MCPH1: variants seen among roughly 807,000 people sequenced by gnomAD.
The protein encoded by MCPH1 is microcephalin 1, also known as microcephalin.
Under a neutral mutation model 84.5 loss-of-function variants are expected in MCPH1, and 104 were observed. The ratio of observed to expected loss-of-function variants is 1.23; its 90% CI spans 1.05 to 1.45. The LOEUF is 1.45. Ranked by LOEUF, MCPH1 falls within the 40% of genes most tolerant of loss-of-function variation. The pLI is 0.00. For synonymous variants in MCPH1, 514 were observed against 366.8 expected, an observed-to-expected ratio of 1.40 and a Z score of -4.58; for missense variants, 1,498 against 1,005.7, an observed-to-expected ratio of 1.49 and a Z score of -6.62.
chr8:6,543,936 C>T (rs573407198), intron 12 of MCPH1, among the ~76,000 whole-genome samples: 14 of 152,152 alleles, frequency 9.2e-5, no homozygotes, highest in South Asian at 2.1e-4. Context: ...GATTATTTAA[C>T]GGGGCTATGT....
chr8:6,461,763 T>C (rs2916743), intron 9 of MCPH1, among the ~76,000 whole-genome samples: 40,093 of 152,136 alleles, frequency 0.26, 7,772 homozygotes, highest in African/African-American at 0.55. Context: ...ATAGAAAATA[T>C]TATGACGAAT....
At position 6,505,455 on chromosome 8, in the gene MCPH1, AATAT is replaced by A. The variant is rs1244837805; in HGVS notation, c.2214+5533_2214+5536del. Among the ~76,000 whole-genome samples, 15 of 71,962 alleles carry A rather than the reference AATAT, an allele frequency of 2.1e-4. 3 individuals carry two copies. The highest frequency in any genetic ancestry group is 6.8e-4 in the African/African-American group (14 of 20,650). The allele number at this position is 71,962 out of a possible 152,430, so 47.2% of individuals were successfully genotyped here. On this transcript the variant is annotated intron_variant, in intron 12 of 13. Coordinates refer to ENST00000344683, the MANE Select transcript of MCPH1 (RefSeq NM_024596.5). Reference sequence around the variant, plus strand: ...ATATATATTCTTTATATACATATAGAATATATATATTCTTTACATATATAGAATA... The same window carrying A: ...ATATATATTCTTTATATACATATAGAATATATTCTTTACATATATAGAATA...
At chr8:6,539,531 C>T (rs558269705) in intron 12 of MCPH1, among the ~76,000 whole-genome samples, 8 of 152,270 alleles carry the variant, frequency 5.3e-5, no homozygotes, top group Admixed American at 2.6e-4. Context: ...CTTTTAAGCA[C>T]TTCCTGAAAT....
chr8:6,533,581 T>C (rs1459939660), intron 12 of MCPH1, among the ~76,000 whole-genome samples: 2 of 125,012 alleles, frequency 1.6e-5, no homozygotes, highest in Non-Finnish European at 3.5e-5. Flanking sequence ...TTTTTTTTTT[T>C]TTTTTTTTTT....
intron 6 of MCPH1, among the ~76,000 whole-genome samples, 181 bp downstream of exon 6, chr8:6,439,277 T>C (rs555959989): frequency 1.1e-4 from 16 of 152,064 alleles, no homozygotes; most frequent in Non-Finnish European, 1.8e-4. Context: ...TTGAAGCATA[T>C]GTTGGGTGTA....
intron 12 of MCPH1, chr8:6,527,560 C>G (rs1468719594): frequency 1.9e-6 from 3 of 1,613,620 alleles, no homozygotes; most frequent in Admixed American, 1.7e-5. Flanking sequence ...ATTACCTGTT[C>G]TTATCTTGCA....
rs1240740136 is a variant in MCPH1, at chr8:6,644,860, T to A, written c.*1811T>A. On this transcript the variant is annotated 3_prime_UTR_variant, in exon 14 of 14. Transcript: ENST00000344683. ...AGGTAGCAGTGCATTGTATAGGAATTGGCATTCTATAGAAAACCACAGAAA... is the reference window on the plus strand; with the variant it reads ...AGGTAGCAGTGCATTGTATAGGAATAGGCATTCTATAGAAAACCACAGAAA... The A allele has an allele frequency of 1.3e-5, 2 of 152,202 alleles. No individual in the cohort carries two copies. The highest frequency in any genetic ancestry group is 4.8e-5 in the African/African-American group (2 of 41,446). The allele number at this position is 152,202 out of a possible 1,614,324, so 9.4% of individuals were successfully genotyped here.
chr8:6,456,640 C>T (rs371958017), intron 9 of MCPH1, among the ~76,000 whole-genome samples: 4 of 148,910 alleles, frequency 2.7e-5, no homozygotes, highest in South Asian at 2.1e-4. Context: ...TGGTACTCTA[C>T]GTTGTACCAT....
At chr8:6,529,613 C>T (rs998989976) in intron 12 of MCPH1, among the ~76,000 whole-genome samples, 3 of 149,244 alleles carry the variant, frequency 2.0e-5, no homozygotes, top group East Asian at 2.0e-4. Context: ...CACACAAGCA[C>T]GCCTGGCTAA....
chr8:6,504,359 C>T (rs143579396), intron 12 of MCPH1, among the ~76,000 whole-genome samples: 1 of 150,166 alleles, frequency 6.7e-6, no homozygotes, highest in African/African-American at 2.5e-5. Context: ...CCTTAAATTG[C>T]ATGCCGTTCT....
chr8:6,504,078 G>T (rs1398336304), intron 12 of MCPH1, among the ~76,000 whole-genome samples: 4 of 152,170 alleles, frequency 2.6e-5, no homozygotes, highest in Non-Finnish European at 4.4e-5. Context: ...CAGCACTTTG[G>T]GAGGCCGAGG....
chr8:6,440,964 C>A (rs1282997592), intron 6 of MCPH1, among the ~76,000 whole-genome samples: 1 of 152,200 alleles, frequency 6.6e-6, no homozygotes, highest in African/African-American at 2.4e-5. Context: ...TCCCATCTTT[C>A]TGTTGTACCT....
chr8:6,478,539 C>T (rs908166807), intron 10 of MCPH1, among the ~76,000 whole-genome samples: 1 of 152,100 alleles, frequency 6.6e-6, no homozygotes, highest in African/African-American at 2.4e-5. Context: ...TTTAGGCCGT[C>T]TTCTTGTCTT....
At chr8:6,413,783 C>G (rs1032809349) in intron 2 of MCPH1, among the ~76,000 whole-genome samples, 2 of 146,802 alleles carry the variant, frequency 1.4e-5, no homozygotes, top group African/African-American at 5.1e-5. Flanking sequence ...GAGATGGAGT[C>G]TTGCTGTGTT....
rs533237692 is a variant in MCPH1, at chr8:6,632,584, C to T, written c.2453-10410C>T. On this transcript the variant is annotated intron_variant, in intron 13 of 13. Transcript: ENST00000344683. ...CAACACTTTGGAAGGCCGAGGGGGGCGGATCACAAGGTCAGGAGATCGAGA... is the reference window on the plus strand; with the variant it reads ...CAACACTTTGGAAGGCCGAGGGGGGTGGATCACAAGGTCAGGAGATCGAGA... 1.5e-3 allele frequency among the ~76,000 whole-genome samples: 224 copies of T among 152,198 alleles called. 3 individuals are homozygous for T. The highest frequency in any genetic ancestry group is 0.014 in the South Asian group (66 of 4,820).
intron 12 of MCPH1, among the ~76,000 whole-genome samples, chr8:6,523,808 C>T (rs1424185714): frequency 2.0e-5 from 3 of 151,566 alleles, no homozygotes; most frequent in Admixed American, 6.6e-5. Context: ...AGGCTGGTCT[C>T]GAACTCCTGA....
At chr8:6,585,454 C>T (rs1250011337) in intron 12 of MCPH1, among the ~76,000 whole-genome samples, 1 of 152,248 alleles carries the variant, frequency 6.6e-6, no homozygotes, top group African/African-American at 2.4e-5. Flanking sequence ...GCCGGCTTTT[C>T]CCGGGTGCAC....
At chr8:6,469,889 G>A (rs905452525) in intron 9 of MCPH1, among the ~76,000 whole-genome samples, 2 of 151,990 alleles carry the variant, frequency 1.3e-5, no homozygotes, top group Non-Finnish European at 2.9e-5. Context: ...ACATTCTTTT[G>A]TGTAGATACA....
At position 6,444,968 on chromosome 8, in the gene MCPH1, T is replaced by G. The variant is rs1804069151; in HGVS notation, c.1246T>G (p.Phe416Val). The change falls in exon 8 of 14, where the codon TTT becomes GTT. Residue 416 changes from phenylalanine to valine, a missense_variant. Phe to Val is a conservative substitution (Grantham distance 50). Transcript: ENST00000344683. ...SCGESSYDDYFSPDNLKERYS... is the reference protein window; with the variant it reads ...SCGESSYDDYVSPDNLKERYS... ...TGGGGAGTCTTCATATGATGACTAT[T>G]TTTCACCTGATAATCTTAAGGAAAG... 6.2e-7 allele frequency: 1 copy of G among 1,614,048 alleles called. No homozygotes were observed. Among genetic ancestry groups the G allele is most frequent in the Non-Finnish European group, 8.5e-7 (1 of 1,180,032 alleles).
Sources: allele counts gnomAD v4.1 joint callset (sites outside exome capture counted in the v4.1 genomes callset), GRCh38; gene constraint gnomAD v4.1.1; transcripts MANE v1.5; gene names NCBI Gene and HGNC (gene_info 2026-07-23, HGNC 2026-07-21).